ARMC8: variants seen among roughly 807,000 people sequenced by gnomAD.
The protein encoded by ARMC8 is armadillo repeat containing 8, also known as armadillo repeat-containing protein 8.
Under a neutral mutation model 99.3 loss-of-function variants are expected in ARMC8, and 20 were observed. That is an observed-to-expected ratio of 0.20 (90% confidence interval 0.14 to 0.29). The LOEUF is 0.29. Among genes scored for constraint, ARMC8 ranks in the 10% least tolerant of loss-of-function variants. ARMC8 has a pLI of 1.00. For missense variants in ARMC8, 569 were observed against 809.5 expected (o/e 0.70, Z 3.60); for synonymous variants, 263 against 278.3 (o/e 0.95, Z 0.55).
At chr3:138,212,585 G>T (rs565700617) in intron 2 of ARMC8, among the ~76,000 whole-genome samples, 1 of 152,208 alleles carries the variant, frequency 6.6e-6, no homozygotes, top group South Asian at 2.1e-4. Context: ...GGGATTACAG[G>T]CGTGAGCCAC....
intron 19 of ARMC8, among the ~76,000 whole-genome samples, chr3:138,284,838 T>C (rs9637396): frequency 0.99 from 151,066 of 152,282 alleles, 74,943 homozygotes; most frequent in East Asian, 1. Context: ...CCCTGTCTTC[T>C]GTCTCAAGGC....
intron 1 of ARMC8, among the ~76,000 whole-genome samples, chr3:138,194,884 G>A (rs1344833931): frequency 1.3e-5 from 2 of 152,044 alleles, no homozygotes; most frequent in African/African-American, 4.8e-5. Context: ...AGTAATAAAT[G>A]CAAAATAAAA....
chr3:138,242,886 C>A (rs1300571615), intron 11 of ARMC8, among the ~76,000 whole-genome samples: 1 of 152,116 alleles, frequency 6.6e-6, no homozygotes, highest in Non-Finnish European at 1.5e-5. Context: ...CCTAAAATAA[C>A]CTTCACTGGT....
intron 16 of ARMC8, among the ~76,000 whole-genome samples, chr3:138,272,624 C>T (rs551742118): frequency 6.6e-6 from 1 of 152,236 alleles, no homozygotes; most frequent in African/African-American, 2.4e-5. Context: ...CACCTGTAAT[C>T]TCAGCACTTT....
chr3:138,217,415 T>A (rs2045124815), intron 2 of ARMC8, among the ~76,000 whole-genome samples: 1 of 151,998 alleles, frequency 6.6e-6, no homozygotes, highest in Admixed American at 6.6e-5. Flanking sequence ...TTTTTTTTTT[T>A]TCTTTTTTCT....
intron 1 of ARMC8, among the ~76,000 whole-genome samples, chr3:138,207,175 CT>C (rs567177409): frequency 1.3e-4 from 20 of 152,222 alleles, no homozygotes; most frequent in Non-Finnish European, 2.6e-4. Context: ...CTGGTACACT[CT>C]TACTCATTTT....
chr3:138,278,768 G>A (rs2049567076), intron 18 of ARMC8, among the ~76,000 whole-genome samples: 1 of 151,968 alleles, frequency 6.6e-6, no homozygotes, highest in African/African-American at 2.4e-5. Flanking sequence ...TATAGGTCTT[G>A]CACTCTTGGT....
intron 1 of ARMC8, chr3:138,188,416 A>G: frequency 1.7e-5 from 26 of 1,520,490 alleles, no homozygotes; most frequent in Non-Finnish European, 2.3e-5. Context: ...TTAAAGAAAA[A>G]GACGACTTTC....
intron 1 of ARMC8, among the ~76,000 whole-genome samples, chr3:138,189,507 A>T (rs1370224866): frequency 6.6e-6 from 1 of 152,238 alleles, no homozygotes; most frequent in Non-Finnish European, 1.5e-5. Context: ...ATCAGAAATT[A>T]TCTTGAATGG....
intron 1 of ARMC8, among the ~76,000 whole-genome samples, chr3:138,189,693 C>T (rs1430850614): frequency 6.6e-6 from 1 of 152,156 alleles, no homozygotes; most frequent in Non-Finnish European, 1.5e-5. Context: ...TAAAGGATTT[C>T]CATTTGAGTC....
chr3:138,242,439 T>C (rs1376699782), intron 11 of ARMC8, among the ~76,000 whole-genome samples: 1 of 152,246 alleles, frequency 6.6e-6, no homozygotes, highest in Non-Finnish European at 1.5e-5. Flanking sequence ...AGTTTCATAC[T>C]GTGCTTTGGG....
chr3:138,283,471 C>G (rs1380563413), intron 18 of ARMC8, among the ~76,000 whole-genome samples: 3 of 152,194 alleles, frequency 2.0e-5, no homozygotes, highest in Non-Finnish European at 4.4e-5. Context: ...CTTCTCTATT[C>G]TCTGTTTACT....
At chr3:138,285,536 TTC>T (rs968260951) in intron 19 of ARMC8, among the ~76,000 whole-genome samples, 5 of 152,218 alleles carry the variant, frequency 3.3e-5, no homozygotes, top group Non-Finnish European at 7.3e-5. Flanking sequence ...AACACTTTTC[TTC>T]TCTCTGTTTC....
chr3:138,225,484 CAGTT>C (rs766154842), intron 5 of ARMC8, among the ~76,000 whole-genome samples: 23 of 152,270 alleles, frequency 1.5e-4, no homozygotes, highest in South Asian at 1.0e-3. Context: ...TTCTTACTGA[CAGTT>C]AGGCCAATAT....
intron 18 of ARMC8, among the ~76,000 whole-genome samples, chr3:138,276,175 T>C (rs78874889): frequency 0.067 from 10,243 of 152,270 alleles, 1,179 homozygotes; most frequent in African/African-American, 0.23. Flanking sequence ...GGAAGTGATC[T>C]GGAAATAGGC....
intron 2 of ARMC8, among the ~76,000 whole-genome samples, chr3:138,212,497 C>T (rs1020390809): frequency 6.6e-6 from 1 of 151,914 alleles, no homozygotes; most frequent in Non-Finnish European, 1.5e-5. Context: ...TTAGTAGAGA[C>T]GAGGTTTCTC....
chr3:138,196,931 G>T (rs777274838), intron 1 of ARMC8, among the ~76,000 whole-genome samples: 14 of 152,108 alleles, frequency 9.2e-5, no homozygotes, highest in Non-Finnish European at 1.6e-4. Flanking sequence ...TAGCAATAAG[G>T]TATTAAAACT....
chr3:138,229,704 A>C (rs2045938421), intron 6 of ARMC8, among the ~76,000 whole-genome samples: 1 of 152,172 alleles, frequency 6.6e-6, no homozygotes, highest in Non-Finnish European at 1.5e-5. Flanking sequence ...TTTTCTATGA[A>C]GTGCCATTTA....
chr3:138,254,477 C>T (rs1035882888), intron 12 of ARMC8, among the ~76,000 whole-genome samples: 2 of 152,118 alleles, frequency 1.3e-5, no homozygotes, highest in Non-Finnish European at 1.5e-5. Context: ...GGCACTGAAT[C>T]GTTCATGTGC....
Sources: allele counts gnomAD v4.1 joint callset (sites outside exome capture counted in the v4.1 genomes callset), GRCh38; gene constraint gnomAD v4.1.1; transcripts MANE v1.5; gene names NCBI Gene and HGNC (gene_info 2026-07-23, HGNC 2026-07-21).